Variants in ADARB2 observed in about 807,000 individuals in gnomAD.
The protein encoded by ADARB2 is inactive double-stranded RNA-specific editase B2.
Under a neutral mutation model 62.2 loss-of-function variants are expected in ADARB2, and 25 were observed. The observed-to-expected ratio is 0.40, with a 90% CI of 0.29 to 0.56. ADARB2 has a LOEUF of 0.56. ADARB2 is among the 20% of genes least tolerant of loss of function. The pLI is 0.43. For synonymous variants in ADARB2, 572 were observed against 500.8 expected, an observed-to-expected ratio of 1.14 and a Z score of -1.90; for missense variants, 1,071 against 1,077.4, an observed-to-expected ratio of 0.99 and a Z score of 0.08.
chr10:1,192,784 A>T (rs1836859892), intron 8 of ADARB2, among the ~76,000 whole-genome samples: 1 of 152,218 alleles, frequency 6.6e-6, no homozygotes, highest in African/African-American at 2.4e-5. Flanking sequence ...TATTAAAAAT[A>T]CAAAAAAAAA....
chr10:1,368,086 G>A (rs897571097), intron 2 of ADARB2, among the ~76,000 whole-genome samples: 1 of 152,156 alleles, frequency 6.6e-6, no homozygotes, highest in Non-Finnish European at 1.5e-5. Flanking sequence ...TGACGTGGGA[G>A]CCCAGCACAG....
intron 1 of ADARB2, among the ~76,000 whole-genome samples, chr10:1,554,778 G>A (rs982285603): frequency 5.3e-5 from 8 of 152,124 alleles, no homozygotes; most frequent in Non-Finnish European, 8.8e-5. Flanking sequence ...CAGGAGGTAC[G>A]TGTGCAGGTT....
chr10:1,503,150 T>C (rs1429400424), intron 1 of ADARB2, among the ~76,000 whole-genome samples: 2 of 152,164 alleles, frequency 1.3e-5, no homozygotes, highest in Non-Finnish European at 2.9e-5. Flanking sequence ...AAATAACACA[T>C]ACATATTTAA....
At chr10:1,585,906 C>A (rs926267921) in intron 1 of ADARB2, among the ~76,000 whole-genome samples, 3 of 152,066 alleles carry the variant, frequency 2.0e-5, no homozygotes, top group Admixed American at 6.5e-5. Context: ...GGGTGGCGGG[C>A]GGCTGTAGTC....
At chr10:1,608,305 A>G (rs949647085) in intron 1 of ADARB2, among the ~76,000 whole-genome samples, 1 of 152,186 alleles carries the variant, frequency 6.6e-6, no homozygotes. Context: ...CCCAGAGGTC[A>G]TGGAGACGCA....
chr10:1,456,920 G>A (rs1389889787), intron 1 of ADARB2, among the ~76,000 whole-genome samples: 2 of 152,006 alleles, frequency 1.3e-5, no homozygotes, highest in South Asian at 2.1e-4. Flanking sequence ...TCAACCTCCC[G>A]AGTAGCTGAG....
intron 7 of ADARB2, among the ~76,000 whole-genome samples, chr10:1,206,338 C>T (rs1837065418): frequency 6.6e-6 from 1 of 152,136 alleles, no homozygotes; most frequent in Non-Finnish European, 1.5e-5. Flanking sequence ...TGCGGCGTCT[C>T]CTCCTTGTGC....
At chr10:1,481,767 G>GA (rs1831475392) in intron 1 of ADARB2, among the ~76,000 whole-genome samples, 1 of 150,600 alleles carries the variant, frequency 6.6e-6, no homozygotes, top group Non-Finnish European at 1.5e-5. Context: ...TGAGGCAGGA[G>GA]AATGGCTTGA....
At chr10:1,580,830 C>A (rs1016117450) in intron 1 of ADARB2, among the ~76,000 whole-genome samples, 6 of 152,236 alleles carry the variant, frequency 3.9e-5, no homozygotes, top group African/African-American at 1.4e-4. Flanking sequence ...AGAATATACA[C>A]CTTATAACCA....
Position 1,733,954 on chromosome 10 carries a change from G to A in ADARB2, c.100+3097C>T, listed in dbSNP as rs779200721. ...CTGGCATGTGTCATGGGATATGAACGTTGCTTTGCCGCGATGTAAAAATGA... is the reference window on the plus strand; with the variant it reads ...CTGGCATGTGTCATGGGATATGAACATTGCTTTGCCGCGATGTAAAAATGA... On this transcript the variant is annotated intron_variant, in intron 1 of 9. Transcript: ENST00000381312. Among the ~76,000 whole-genome samples the A allele has an allele frequency of 3.7e-5, 4 of 109,026 alleles. No individual in the cohort carries two copies. The East Asian group carries it at 5.9e-4, about 16-fold the overall frequency. 71.5% of individuals were successfully genotyped at this position (109,026 alleles called of 152,430 possible).
intron 2 of ADARB2, among the ~76,000 whole-genome samples, chr10:1,368,976 G>A (rs554348853): frequency 8.1e-6 from 1 of 124,066 alleles, no homozygotes. Flanking sequence ...GGTCCTAGGG[G>A]AGTGGCGCTC....
At chr10:1,397,777 T>C (rs1206180445) in intron 1 of ADARB2, among the ~76,000 whole-genome samples, 10 of 80,522 alleles carry the variant, frequency 1.2e-4, no homozygotes, top group African/African-American at 3.8e-4. Flanking sequence ...CCCTCCCGAG[T>C]GGAGGCTTCC....
chr10:1,352,831 T>C (rs1258038053), intron 3 of ADARB2, among the ~76,000 whole-genome samples: 1 of 152,104 alleles, frequency 6.6e-6, no homozygotes, highest in Non-Finnish European at 1.5e-5. Context: ...CACCTGACCC[T>C]CATGACTGTA....
In ADARB2 at chr10:1,508,072, G is replaced by C. The variant is rs532158678; in HGVS notation, c.101-128912C>G. 5.9e-4 allele frequency among the ~76,000 whole-genome samples: 90 copies of C among 152,312 alleles called. 1 individual carries two copies. Among genetic ancestry groups the C allele is most frequent in the South Asian group, 6.2e-4 (3 of 4,828 alleles). ...AAGGGAGATCACACAATTCCCGAGT[G>C]GTGCGTTCATCAGGAAGGTCAAGTG... On this transcript the variant is annotated intron_variant, in intron 1 of 9. Coordinates refer to ENST00000381312, the MANE Select transcript of ADARB2 (RefSeq NM_018702.4).
intron 4 of ADARB2, among the ~76,000 whole-genome samples, chr10:1,260,935 G>T (rs1243589964): frequency 7.1e-6 from 1 of 140,950 alleles, no homozygotes; most frequent in Non-Finnish European, 1.5e-5. Flanking sequence ...AAACAGCATG[G>T]TACTGGTACC....
chr10:1,200,123 G>A lies in ADARB2; in HGVS notation c.1707C>T (p.Gly569=), dbSNP rs560087481. 4.4e-5 allele frequency: 69 copies of A among 1,551,334 alleles called. No individual in the cohort carries two copies. The highest frequency in any genetic ancestry group is 3.8e-4 in the South Asian group (32 of 84,146). ...GCTCCACGAAGTGGGACAGGAGCGC[G>A]CCCTGCAGCCCCAGGACGTTCCACC... ...IARWNVLGLQ[G]ALLSHFVEPV... is the part of the protein sequence containing the mutation. The change falls in exon 8 of 10, where the codon GGC becomes GGT. Residue 569 remains glycine (G), a synonymous_variant. Transcript: ENST00000381312.
rs184985303 is a variant in ADARB2 at position 1,232,387 on chromosome 10, C to T, written c.1513+1307G>A. 1.4e-3 allele frequency among the ~76,000 whole-genome samples: 207 copies of T among 148,706 alleles called. 4 individuals carry two copies. The East Asian group carries it at 0.028, about 20-fold the overall frequency. ...GTCTGTGTGTGGTGTGTGTGGTATG[C>T]GTGGTATGCATGTGCTTGTGGCATG... On this transcript the variant is annotated intron_variant, in intron 6 of 9. Coordinates refer to ENST00000381312, the MANE Select transcript of ADARB2 (RefSeq NM_018702.4).
At chr10:1,684,451 C>T (rs1190473058) in intron 1 of ADARB2, among the ~76,000 whole-genome samples, 1 of 152,156 alleles carries the variant, frequency 6.6e-6, no homozygotes, top group Non-Finnish European at 1.5e-5. Flanking sequence ...TATATATTCT[C>T]TATATCTGGA....
intron 3 of ADARB2, among the ~76,000 whole-genome samples, chr10:1,317,265 G>A (rs916579736): frequency 6.6e-6 from 1 of 152,174 alleles, no homozygotes; most frequent in Non-Finnish European, 1.5e-5. Context: ...TTATTATGCC[G>A]TATCTTCTAT....
Sources: allele counts gnomAD v4.1 joint callset (sites outside exome capture counted in the v4.1 genomes callset), GRCh38; gene constraint gnomAD v4.1.1; transcripts MANE v1.5; gene names NCBI Gene and HGNC (gene_info 2026-07-23, HGNC 2026-07-21).